FLACC1: variants seen among roughly 807,000 people sequenced by gnomAD.
FLACC1 encodes the protein flagellum-associated coiled-coil domain-containing protein 1.
Under a neutral mutation model 62.8 loss-of-function variants are expected in FLACC1, and 66 were observed. That is an observed-to-expected ratio of 1.05 (90% CI 0.86 to 1.29). The LOEUF (loss-of-function observed/expected upper bound fraction) is 1.29. Among genes scored for constraint, FLACC1 ranks in the 50% most tolerant of loss-of-function variants. FLACC1 has a pLI of 0.00. For missense variants in FLACC1, 452 were observed against 489.1 expected, an observed-to-expected ratio of 0.92 and a Z score of 0.71; for synonymous variants, 156 against 161.0, an observed-to-expected ratio of 0.97 and a Z score of 0.24.
rs370754320 is a variant in FLACC1 at position 201,309,262 on chromosome 2, C to A, written c.676-12G>T. ...TCATAAATACTGTCCTGGGGAGGTA[C>A]AAAGGCACCATGAAGAAAAGAGTCC... On this transcript the variant is annotated splice_polypyrimidine_tract_variant and intron_variant, in intron 9 of 14. Coordinates refer to ENST00000392257, the MANE Select transcript of FLACC1 (RefSeq NM_001127391.3). 1.3e-6 allele frequency: 2 copies of A among 1,594,144 alleles called. No individual in the cohort carries two copies. Among genetic ancestry groups the A allele is most frequent in the African/African-American group, 2.7e-5 (2 of 74,400 alleles).
chr2:201,348,342 A>G, intron 3 of FLACC1, 40 bp from the exon 4 acceptor site: 1 of 1,603,772 alleles, frequency 6.2e-7, no homozygotes. Context: ...ACCAGACAGC[A>G]AAGAGAAGTT....
At chr2:201,350,194 G>A (rs759798069) in intron 3 of FLACC1, among the ~76,000 whole-genome samples, 2 of 152,142 alleles carry the variant, frequency 1.3e-5, no homozygotes, top group Admixed American at 6.5e-5. Flanking sequence ...AGACCAGCCT[G>A]GCCAACATGG....
At chr2:201,362,254 T>A (rs181161532), upstream of FLACC1, among the ~76,000 whole-genome samples, 104 of 152,256 alleles carry the variant, frequency 6.8e-4, no homozygotes, top group African/African-American at 1.8e-3. Flanking sequence ...AAATTTGATA[T>A]CAAAGTAGAG....
In FLACC1 at chr2:201,289,765, A is replaced by G. The variant is rs1405631404; in HGVS notation, c.963T>C (p.His321=). The change falls in exon 13 of 15, where the codon CAT becomes CAC. Residue 321 remains histidine (H), a synonymous_variant. Transcript: ENST00000392257. ...KTKEVMQEEL[H]AQALILESLN... ...GTGACTCTAGGATAAGGGCTTGTGC[A>G]TGCAATTCTTCCTGCATGACCTGCA... 6.2e-7 allele frequency: 1 copy of G among 1,614,056 alleles called. No individual in the cohort carries two copies. Among genetic ancestry groups the G allele is most frequent in the East Asian group, 2.2e-5 (1 of 44,896 alleles).
chr2:201,292,546 A>G (rs182326966), intron 12 of FLACC1, among the ~76,000 whole-genome samples: 2 of 152,340 alleles, frequency 1.3e-5, no homozygotes, highest in East Asian at 3.9e-4. Flanking sequence ...GGAAAGGAAC[A>G]ACCGGTACCA....
intron 7 of FLACC1, among the ~76,000 whole-genome samples, chr2:201,341,725 G>A (rs1481316620): frequency 1.3e-5 from 2 of 151,804 alleles, no homozygotes; most frequent in Admixed American, 6.6e-5. Flanking sequence ...ATTAACTATA[G>A]CTCTCATTTT....
At chr2:201,342,497 C>T (rs912093184) in intron 6 of FLACC1, 66 bp from the exon 7 acceptor site, 2 of 1,528,440 alleles carry the variant, frequency 1.3e-6, no homozygotes, top group Non-Finnish European at 1.8e-6. Context: ...TCTGCACCTT[C>T]TGAAAAGCCT....
At chr2:201,297,248 G>A (rs1949884193) in intron 12 of FLACC1, among the ~76,000 whole-genome samples, 2 of 152,136 alleles carry the variant, frequency 1.3e-5, no homozygotes, top group African/African-American at 4.8e-5. Context: ...TGGAGCTCAG[G>A]AGAGAGGCAA....
the FLACC1 span, among the ~76,000 whole-genome samples, chr2:201,363,781 CT>C: frequency 6.6e-6 from 1 of 152,222 alleles, no homozygotes; most frequent in African/African-American, 2.4e-5. Context: ...CTCCAGGCAT[CT>C]GGAGCAGTCA....
At chr2:201,322,270 A>T (rs1028051173) in intron 9 of FLACC1, among the ~76,000 whole-genome samples, 2 of 151,986 alleles carry the variant, frequency 1.3e-5, no homozygotes, top group African/African-American at 4.8e-5. Context: ...CCTCAAAAAA[A>T]AAAAAGAAAA....
chr2:201,345,813 GC>G (rs1174694074), intron 5 of FLACC1, among the ~76,000 whole-genome samples: 1 of 152,142 alleles, frequency 6.6e-6, no homozygotes, highest in East Asian at 1.9e-4. Flanking sequence ...TTAGAGTCAG[GC>G]CAGAACCTTC....
intron 11 of FLACC1, among the ~76,000 whole-genome samples, chr2:201,302,091 C>A (rs550449036): frequency 6.6e-6 from 1 of 152,244 alleles, no homozygotes; most frequent in African/African-American, 2.4e-5. Flanking sequence ...ACAATATTAA[C>A]CTTAAATGTA....
Position 201,357,127 on chromosome 2 carries a change from T to C in FLACC1, c.-193A>G, listed in dbSNP as rs1951132384. ...AAGCCACTTTAGTGGCCATTCCAAG[T>C]GGTTGAAATGCCGAAGGAGAAAATT... On this transcript the variant is annotated 5_prime_UTR_variant, in exon 1 of 15. Coordinates refer to ENST00000392257, the MANE Select transcript of FLACC1 (RefSeq NM_001127391.3). 1 of 152,158 alleles carries C rather than the reference T, an allele frequency of 6.6e-6. No homozygotes were observed. Among genetic ancestry groups the C allele is most frequent in the Non-Finnish European group, 1.5e-5 (1 of 68,020 alleles). The allele number at this position is 152,158 out of a possible 1,614,324, so 9.4% of individuals were successfully genotyped here. A position where few individuals can be genotyped will look rare whatever the true frequency, so the allele number is the denominator to read the frequency against.
chr2:201,343,350 G>A (rs1311567122), intron 6 of FLACC1, among the ~76,000 whole-genome samples: 2 of 152,172 alleles, frequency 1.3e-5, no homozygotes, highest in Non-Finnish European at 2.9e-5. Context: ...TAACTTCCCT[G>A]AGTCTCATTT....
chr2:201,309,194 C>T lies in FLACC1; in HGVS notation c.732G>A (p.Lys244=), dbSNP rs1169408985. The change falls in exon 10 of 15, where the codon AAG becomes AAA. Residue 244 remains lysine (K), a synonymous_variant. Coordinates refer to ENST00000392257, the MANE Select transcript of FLACC1 (RefSeq NM_001127391.3). ...TTTCTCGCTCGAACTTCTCATCCTT[C>T]TTCCATTTCGCCTTCTGTTTTGACC... The part of the protein sequence containing the change: ...EKWSKQKAKW[K]KDEKFERENI... 1 of 1,614,140 alleles carries T rather than the reference C, an allele frequency of 6.2e-7. No homozygotes were observed. Among genetic ancestry groups the T allele is most frequent in the East Asian group, 2.2e-5 (1 of 44,882 alleles).
intron 1 of FLACC1, among the ~76,000 whole-genome samples, chr2:201,352,300 T>A (rs1951042819): frequency 1.3e-5 from 2 of 152,192 alleles, no homozygotes; most frequent in Admixed American, 1.3e-4. Context: ...CCTGGTCACC[T>A]TCTTGAATTA....
intron 7 of FLACC1, among the ~76,000 whole-genome samples, chr2:201,337,910 G>T (rs1950727217): frequency 6.6e-6 from 1 of 152,062 alleles, no homozygotes. Flanking sequence ...CTCATCTTTT[G>T]TTCCATATGA....
chr2:201,358,598 T>C (rs1251048513), upstream of FLACC1, among the ~76,000 whole-genome samples: 1 of 151,796 alleles, frequency 6.6e-6, no homozygotes. Flanking sequence ...TTTGTATTTT[T>C]AGTAGAGACG....
intron 9 of FLACC1, 124 bp from the exon 10 acceptor site, chr2:201,309,374 A>T (rs976836330): frequency 2.8e-6 from 2 of 717,368 alleles, no homozygotes; most frequent in African/African-American, 3.5e-5. Context: ...GCCCATCACC[A>T]TGTTCTGTGC....
Sources: allele counts gnomAD v4.1 joint callset (sites outside exome capture counted in the v4.1 genomes callset), GRCh38; gene constraint gnomAD v4.1.1; transcripts MANE v1.5; gene names NCBI Gene and HGNC (gene_info 2026-07-23, HGNC 2026-07-21).